CDH18: variants seen among roughly 807,000 people sequenced by gnomAD.
CDH18 encodes the protein cadherin-18.
A neutral mutation model predicts 67.9 loss-of-function variants in CDH18; 31 were observed. The ratio of observed to expected loss-of-function variants is 0.46; its 90% CI spans 0.34 to 0.62. CDH18 has a LOEUF of 0.62. CDH18 is among the 20% of genes least tolerant of loss of function. CDH18 has a pLI of 0.01. For synonymous variants in CDH18, 362 were observed against 347.2 expected (o/e 1.04, Z -0.48); for missense variants, 890 against 975.5 (o/e 0.91, Z 1.17).
chr5:20,107,586 C>T (rs1747072495), intron 2 of CDH18, among the ~76,000 whole-genome samples: 1 of 152,112 alleles, frequency 6.6e-6, no homozygotes, highest in South Asian at 2.1e-4. Flanking sequence ...GTGGCTTAAA[C>T]AGCAGACATT....
At chr5:20,122,205 T>C (rs1290905120) in intron 2 of CDH18, among the ~76,000 whole-genome samples, 2 of 152,240 alleles carry the variant, frequency 1.3e-5, no homozygotes, top group Non-Finnish European at 2.9e-5. Context: ...CACAGATGCA[T>C]GGCTTTGTCA....
intron 1 of CDH18, among the ~76,000 whole-genome samples, chr5:20,515,892 T>C (rs983281468): frequency 5.3e-5 from 8 of 152,050 alleles, no homozygotes; most frequent in African/African-American, 1.7e-4. Context: ...AGGAAAAATA[T>C]GAAGTTAAGT....
chr5:20,516,963 T>C (rs960313518), intron 1 of CDH18, among the ~76,000 whole-genome samples: 1 of 151,998 alleles, frequency 6.6e-6, no homozygotes, highest in Non-Finnish European at 1.5e-5. Context: ...AATACTTAGA[T>C]CTTGCATACA....
At chr5:19,875,668 TC>T in intron 2 of CDH18, among the ~76,000 whole-genome samples, 1 of 151,998 alleles carries the variant, frequency 6.6e-6, no homozygotes, top group Non-Finnish European at 1.5e-5. Context: ...ACACAAGTAA[TC>T]AAAATAGAAT....
chr5:20,376,843 C>A (rs1743487971), intron 1 of CDH18, among the ~76,000 whole-genome samples: 1 of 151,896 alleles, frequency 6.6e-6, no homozygotes, highest in Admixed American at 6.6e-5. Context: ...ATGGTGAAAC[C>A]CCATCTCTAC....
At chr5:19,837,024 G>A (rs959721780) in intron 3 of CDH18, among the ~76,000 whole-genome samples, 2 of 152,074 alleles carry the variant, frequency 1.3e-5, no homozygotes, top group Non-Finnish European at 2.9e-5. Flanking sequence ...GCCCATCAAT[G>A]ATAAACTGGA....
At chr5:19,719,953 G>GAAAGAAAGAAAGAA (rs1423128239) in intron 5 of CDH18, among the ~76,000 whole-genome samples, 1 of 149,948 alleles carries the variant, frequency 6.7e-6, no homozygotes, top group African/African-American at 2.5e-5. Flanking sequence ...AAGAAAGAAA[G>GAAAGAAAGAAAGAA]AAAGAAGGAA....
intron 2 of CDH18, among the ~76,000 whole-genome samples, chr5:20,232,069 G>A (rs1561897147): frequency 6.6e-6 from 1 of 151,904 alleles, no homozygotes; most frequent in African/African-American, 2.4e-5. Flanking sequence ...AGAGAAAAGA[G>A]CAAAACAAGC....
intron 3 of CDH18, among the ~76,000 whole-genome samples, chr5:19,750,898 G>A (rs1427147059): frequency 6.6e-6 from 1 of 151,568 alleles, no homozygotes; most frequent in Admixed American, 6.6e-5. Context: ...CTGAAAGATA[G>A]ACATTATATT....
chr5:20,329,768 CAAAAAAAAAAA>C (rs60246535), intron 1 of CDH18, among the ~76,000 whole-genome samples: 7 of 62,566 alleles, frequency 1.1e-4, no homozygotes, highest in Admixed American at 2.9e-4. Flanking sequence ...GAAACTCCAT[CAAAAAAAAAAA>C]AAAAAAAAAA....
intron 1 of CDH18, among the ~76,000 whole-genome samples, chr5:20,542,366 A>C (rs551779515): frequency 6.6e-6 from 1 of 151,622 alleles, no homozygotes; most frequent in African/African-American, 2.4e-5. Context: ...TTGGGGCAGT[A>C]ATTATAAAAC....
intron 11 of CDH18, among the ~76,000 whole-genome samples, chr5:19,494,888 G>C (rs749908457): frequency 2.0e-5 from 3 of 152,208 alleles, no homozygotes; most frequent in Non-Finnish European, 2.9e-5. Flanking sequence ...ATTTGGAAAA[G>C]AGAATGAGTT....
At chr5:19,938,520 AAAAT>A (rs1196899280) in intron 2 of CDH18, among the ~76,000 whole-genome samples, 1 of 151,488 alleles carries the variant, frequency 6.6e-6, no homozygotes, top group African/African-American at 2.4e-5. Context: ...AAATATTACC[AAAAT>A]AAATCACATA....
chr5:19,910,923 G>A (rs1791068630), intron 2 of CDH18, among the ~76,000 whole-genome samples: 1 of 152,110 alleles, frequency 6.6e-6, no homozygotes, highest in South Asian at 2.1e-4. Context: ...TCTGGCCTGG[G>A]GAAGGCATTG....
intron 2 of CDH18, among the ~76,000 whole-genome samples, chr5:20,236,869 A>G (rs1450195206): frequency 3.9e-5 from 6 of 152,016 alleles, no homozygotes; most frequent in African/African-American, 1.2e-4. Context: ...CACCAGACAC[A>G]TATATTACCA....
intron 2 of CDH18, among the ~76,000 whole-genome samples, chr5:20,152,939 ATTT>A (rs34475393): frequency 6.4e-5 from 8 of 125,876 alleles, no homozygotes; most frequent in Non-Finnish European, 6.6e-5. Flanking sequence ...AGGATGAGGA[ATTT>A]TTTTTTTTTT....
chr5:19,793,361 T>A (rs1312886153), intron 3 of CDH18, among the ~76,000 whole-genome samples: 1 of 152,168 alleles, frequency 6.6e-6, no homozygotes, highest in Non-Finnish European at 1.5e-5. Flanking sequence ...TATGGAACAA[T>A]CTGTAATCTA....
At chr5:20,293,238 A>G (rs1747237516) in intron 1 of CDH18, among the ~76,000 whole-genome samples, 1 of 152,046 alleles carries the variant, frequency 6.6e-6, no homozygotes, top group African/African-American at 2.4e-5. Flanking sequence ...AATTGCTTGA[A>G]CCCAGGAGGC....
At chr5:20,411,091 A>C (rs923009980) in intron 1 of CDH18, among the ~76,000 whole-genome samples, 2 of 152,012 alleles carry the variant, frequency 1.3e-5, no homozygotes, top group African/African-American at 4.8e-5. Context: ...TTTTTTATAA[A>C]ATATAGAAAC....
Sources: gnomAD v4.1 joint callset for allele counts (sites outside exome capture counted in the v4.1 genomes callset) on GRCh38, gnomAD v4.1.1 for gene constraint, MANE v1.5 for transcripts, NCBI Gene and HGNC (gene_info 2026-07-23, HGNC 2026-07-21) for gene names.